The following DMGDH variants were observed in gnomAD, a reference collection of about 807,000 sequenced individuals.
The protein encoded by DMGDH is dimethylglycine dehydrogenase, mitochondrial.
DMGDH carries 76 observed loss-of-function variants against 95.2 expected under a neutral mutation model. The ratio of observed to expected loss-of-function variants is 0.80; its 90% confidence interval spans 0.66 to 0.97. DMGDH has a LOEUF of 0.97. Among genes scored for constraint, DMGDH ranks in the 50% least tolerant of loss-of-function variants. The pLI is 0.00. For synonymous variants in DMGDH, 345 were observed against 377.6 expected (o/e 0.91, Z 1.00); for missense variants, 987 against 1,055.0 (o/e 0.94, Z 0.89).
Position 79,042,497 on chromosome 5 carries a change from C to T in DMGDH, c.995-16G>A. The T allele has an allele frequency of 1.2e-6, 2 of 1,613,928 alleles. No homozygotes were observed. Among genetic ancestry groups the T allele is most frequent in the Non-Finnish European group, 8.5e-7 (1 of 1,179,848 alleles). On this transcript the variant is annotated splice_polypyrimidine_tract_variant and intron_variant, in intron 6 of 15. Coordinates refer to ENST00000255189, the MANE Select transcript of DMGDH (RefSeq NM_013391.3). ...TTTCCAAAACCTAAAAAGATTTGCC[C>T]TTGTGGTCAGGATGCCGTAGCTGAG...
At chr5:79,050,223 G>A (rs537389340) in intron 5 of DMGDH, among the ~76,000 whole-genome samples, 2 of 124,272 alleles carry the variant, frequency 1.6e-5, no homozygotes, top group South Asian at 5.4e-4. Context: ...ACTCCAGCCC[G>A]GGGCACAAGA....
chr5:78,998,123 T>G lies in DMGDH; in HGVS notation c.2560A>C (p.Arg854=), dbSNP rs1226901479. The G allele has an allele frequency of 8.1e-6, 13 of 1,614,124 alleles. No individual in the cohort carries two copies. Among genetic ancestry groups the G allele is most frequent in the Non-Finnish European group, 1.1e-5 (13 of 1,180,060 alleles). ...CCACCTTTTTTCTGAAGCCGGTTTC[T>G]GGTTGGTTCGGTCAATACCAAAGGT... The part of the protein sequence containing the change: ...QEPLVLTEPT[R]NRLQKKGGKD... Residue 854 remains arginine (R), a synonymous_variant, in exon 16 of 16, where the codon AGA becomes CGA. Coordinates refer to ENST00000255189, the MANE Select transcript of DMGDH (RefSeq NM_013391.3).
At chr5:79,020,245 G>A (rs1472589306) in intron 14 of DMGDH, among the ~76,000 whole-genome samples, 2 of 152,048 alleles carry the variant, frequency 1.3e-5, no homozygotes, top group African/African-American at 2.4e-5. Flanking sequence ...GTGTAGCCTG[G>A]GCCTTGGGAT....
chr5:79,060,966 A>G (rs1755189763), intron 2 of DMGDH, among the ~76,000 whole-genome samples: 1 of 151,816 alleles, frequency 6.6e-6, no homozygotes, highest in Admixed American at 6.6e-5. Flanking sequence ...TCAAGCCTAT[A>G]ATCCCAGCAC....
At chr5:79,066,904 T>C (rs1353602270) in intron 1 of DMGDH, among the ~76,000 whole-genome samples, 2 of 152,202 alleles carry the variant, frequency 1.3e-5, no homozygotes, top group Non-Finnish European at 2.9e-5. Context: ...TATCAAACTT[T>C]TACTGAGTGG....
Position 79,051,381 on chromosome 5 carries a change from T to A in DMGDH, c.651A>T (p.Ala217=), listed in dbSNP as rs772636518. Residue 217 remains alanine, a synonymous_variant, in exon 5 of 16, where the codon GCA becomes GCT. Transcript: ENST00000255189. ...RKCGALLKYP[A]PVTSLKARSD... is the part of the protein sequence containing the mutation. ...ACCTGGCTTTCAGAGAAGTTACTGG[T>A]GCAGGATATTTTAAAAGGGCACCAC... 3 of 1,614,190 alleles carry A rather than the reference T, an allele frequency of 1.9e-6. No individual in the cohort carries two copies. The East Asian group carries it at 6.7e-5, about 36-fold the overall frequency.
intron 1 of DMGDH, among the ~76,000 whole-genome samples, chr5:79,065,203 TTTTTC>T (rs1414256913): frequency 6.7e-6 from 1 of 149,338 alleles, no homozygotes; most frequent in African/African-American, 2.4e-5. Context: ...CTGTCATCTC[TTTTTC>T]TTTTCTTTTC....
chr5:79,067,883 T>C (rs149818251), intron 1 of DMGDH, among the ~76,000 whole-genome samples: 1 of 152,320 alleles, frequency 6.6e-6, no homozygotes, highest in East Asian at 1.9e-4. Flanking sequence ...ATTGGGTATA[T>C]AAAGAATATG....
At chr5:79,057,513 T>C (rs1755065116) in intron 2 of DMGDH, among the ~76,000 whole-genome samples, 1 of 151,172 alleles carries the variant, frequency 6.6e-6, no homozygotes, top group African/African-American at 2.5e-5. Flanking sequence ...GACATATCCA[T>C]GGCTGATTTT....
chr5:79,027,963 C>T (rs1464148134), intron 12 of DMGDH, among the ~76,000 whole-genome samples: 1 of 151,960 alleles, frequency 6.6e-6, no homozygotes, highest in African/African-American at 2.4e-5. Flanking sequence ...GCCTCAGCCT[C>T]CAGAGCAGCT....
intron 2 of DMGDH, among the ~76,000 whole-genome samples, chr5:79,058,114 C>T (rs1755084918): frequency 6.6e-6 from 1 of 152,186 alleles, no homozygotes; most frequent in South Asian, 2.1e-4. Context: ...TCCCTTACCG[C>T]AACAGTATAC....
intron 13 of DMGDH, among the ~76,000 whole-genome samples, chr5:79,025,471 G>A (rs1753974066): frequency 6.6e-6 from 1 of 152,106 alleles, no homozygotes. Context: ...GTCTCTGCCT[G>A]GGCTTTGAAA....
intron 4 of DMGDH, among the ~76,000 whole-genome samples, chr5:79,053,338 G>C (rs944764614): frequency 3.9e-5 from 6 of 152,080 alleles, no homozygotes; most frequent in South Asian, 2.1e-4. Flanking sequence ...TTGTGTGTGT[G>C]TGTGAGTGTG....
intron 15 of DMGDH, 117 bp downstream of exon 15, chr5:79,005,156 G>T: frequency 4.4e-6 from 6 of 1,365,490 alleles, no homozygotes; most frequent in Non-Finnish European, 5.2e-6. Context: ...AATCAAAAGC[G>T]TGTCATCCCT....
At chr5:79,020,913 T>G in intron 14 of DMGDH, 1 of 985,454 alleles carries the variant, frequency 1.0e-6, no homozygotes, top group Non-Finnish European at 1.2e-6. Context: ...ATTTCCACCA[T>G]GAAAATTCCA....
chr5:79,037,719 T>C (rs1235141197), intron 7 of DMGDH, among the ~76,000 whole-genome samples: 1 of 152,208 alleles, frequency 6.6e-6, no homozygotes, highest in South Asian at 2.1e-4. Flanking sequence ...TCTTTAGCAA[T>C]TAGTTAATAG....
chr5:79,024,609 G>A (rs951695120), intron 13 of DMGDH, among the ~76,000 whole-genome samples: 9 of 152,300 alleles, frequency 5.9e-5, no homozygotes, highest in East Asian at 5.8e-4. Context: ...GGGAATGTAC[G>A]TGATGTTTCT....
At chr5:78,999,049 G>A (rs558940683) in intron 15 of DMGDH, among the ~76,000 whole-genome samples, 4 of 152,266 alleles carry the variant, frequency 2.6e-5, no homozygotes, top group Admixed American at 2.6e-4. Flanking sequence ...GGCTTCTCCT[G>A]GCCACACAAC....
At chr5:79,003,513 C>T (rs1052025690) in intron 15 of DMGDH, among the ~76,000 whole-genome samples, 8 of 152,004 alleles carry the variant, frequency 5.3e-5, no homozygotes, top group African/African-American at 1.9e-4. Context: ...CAAACTCAGC[C>T]CAATTTAAGA....
Sources: gnomAD v4.1 joint callset for allele counts (sites outside exome capture counted in the v4.1 genomes callset) on GRCh38, gnomAD v4.1.1 for gene constraint, MANE v1.5 for transcripts, NCBI Gene and HGNC (gene_info 2026-07-23, HGNC 2026-07-21) for gene names.